The following SCFD2 variants were observed in gnomAD, a reference collection of about 807,000 sequenced individuals.
SCFD2 encodes the protein sec1 family domain-containing protein 2.
In SCFD2, 54 loss-of-function variants were observed where a neutral mutation model predicts 58.9. The observed-to-expected ratio is 0.92, with a 90% CI of 0.74 to 1.15. The LOEUF (loss-of-function observed/expected upper bound fraction) is 1.15, where lower values mean the gene tolerates loss of function less well. Ranked by LOEUF, SCFD2 falls within the 50% of genes most tolerant of loss-of-function variation. The probability of loss-of-function intolerance (pLI) is 0.00; values close to 1 mark genes in which losing one functional copy is unlikely to be tolerated. For missense variants in SCFD2, 805 were observed against 836.6 expected, an observed-to-expected ratio of 0.96 and a Z score of 0.47; for synonymous variants, 321 against 335.9, an observed-to-expected ratio of 0.96 and a Z score of 0.49.
chr4:53,271,170 G>A (rs1329158682), intron 4 of SCFD2, among the ~76,000 whole-genome samples: 3 of 152,014 alleles, frequency 2.0e-5, no homozygotes, highest in African/African-American at 7.2e-5. Flanking sequence ...ATCCTGAAGA[G>A]GACACAGCCT....
chr4:52,884,380 C>T (rs1341887206), intron 8 of SCFD2, among the ~76,000 whole-genome samples: 3 of 152,034 alleles, frequency 2.0e-5, no homozygotes, highest in Non-Finnish European at 4.4e-5. Context: ...GGGAAGATAA[C>T]ACCCCCAGAG....
intron 5 of SCFD2, among the ~76,000 whole-genome samples, chr4:52,931,329 TG>T (rs554611974): frequency 8.8e-4 from 134 of 152,302 alleles, no homozygotes; most frequent in African/African-American, 3.0e-3. Flanking sequence ...CAAAAGCTGT[TG>T]GGTGGTAGAG....
intron 4 of SCFD2, among the ~76,000 whole-genome samples, chr4:53,229,066 A>T (rs531977199): frequency 2.6e-5 from 4 of 152,192 alleles, no homozygotes; most frequent in Admixed American, 2.6e-4. Flanking sequence ...CTTACAAGGG[A>T]TGTGAAGGAC....
chr4:53,335,201 AAAAAAAAAAAAAC>A (rs1446568323), intron 2 of SCFD2, among the ~76,000 whole-genome samples: 5 of 145,382 alleles, frequency 3.4e-5, no homozygotes, highest in Admixed American at 6.8e-5. Flanking sequence ...TCTCAAAAAA[AAAAAAAAAAAAAC>A]AACAAAAAAA....
intron 5 of SCFD2, among the ~76,000 whole-genome samples, chr4:52,936,036 C>T (rs1187636603): frequency 5.3e-5 from 8 of 152,084 alleles, no homozygotes. Context: ...AGGGTTTCTC[C>T]ATGCTGTTCA....
At chr4:52,906,253 T>G (rs1054507592) in intron 7 of SCFD2, among the ~76,000 whole-genome samples, 65 of 152,152 alleles carry the variant, frequency 4.3e-4, no homozygotes, top group African/African-American at 1.5e-3. Flanking sequence ...ATTTGGGCCA[T>G]CCTCAGACCT....
chr4:53,021,462 C>T (rs943120079), intron 5 of SCFD2, among the ~76,000 whole-genome samples: 2 of 152,132 alleles, frequency 1.3e-5, no homozygotes, highest in Non-Finnish European at 2.9e-5. Flanking sequence ...ACTTGCAAAT[C>T]ATTTCCTCAA....
At chr4:52,898,100 C>A (rs1348078709) in intron 7 of SCFD2, among the ~76,000 whole-genome samples, 1 of 152,150 alleles carries the variant, frequency 6.6e-6, no homozygotes, top group Admixed American at 6.5e-5. Flanking sequence ...TTTCAAAAAA[C>A]CAGCTCCTGG....
chr4:53,219,116 T>C (rs1026499653), intron 4 of SCFD2, among the ~76,000 whole-genome samples: 10 of 152,174 alleles, frequency 6.6e-5, no homozygotes, highest in Non-Finnish European at 2.9e-5. Context: ...GTCTGTCTGT[T>C]CTCAGATCTC....
chr4:53,112,586 G>C, intron 5 of SCFD2, among the ~76,000 whole-genome samples: 2 of 152,026 alleles, frequency 1.3e-5, no homozygotes, highest in East Asian at 3.9e-4. Flanking sequence ...CAAAACATTT[G>C]AGTGAAGTAG....
chr4:53,028,708 G>A (rs1421590171), intron 5 of SCFD2, among the ~76,000 whole-genome samples: 1 of 152,270 alleles, frequency 6.6e-6, no homozygotes, highest in East Asian at 1.9e-4. Flanking sequence ...CTCTTCCCCG[G>A]GGTTTTAAGT....
intron 5 of SCFD2, among the ~76,000 whole-genome samples, chr4:52,979,557 A>G (rs1721329716): frequency 6.6e-6 from 1 of 152,148 alleles, no homozygotes; most frequent in Non-Finnish European, 1.5e-5. Flanking sequence ...AGACTGCAAT[A>G]ACACAAAATC....
intron 4 of SCFD2, among the ~76,000 whole-genome samples, chr4:53,220,032 A>G (rs1445260474): frequency 6.6e-6 from 1 of 151,774 alleles, no homozygotes. Flanking sequence ...TCTACCTAAA[A>G]CTATCTCTCC....
intron 5 of SCFD2, among the ~76,000 whole-genome samples, chr4:52,966,250 T>C (rs1185526630): frequency 2.0e-5 from 3 of 152,222 alleles, no homozygotes; most frequent in African/African-American, 7.2e-5. Context: ...ATCTTCCATA[T>C]CTGGAATTTG....
chr4:53,195,979 T>C (rs1464221334), intron 4 of SCFD2, among the ~76,000 whole-genome samples: 3 of 152,164 alleles, frequency 2.0e-5, no homozygotes, highest in East Asian at 1.9e-4. Context: ...TTGGACCAAA[T>C]ATTTCAAGCC....
Position 53,219,342 on chromosome 4 carries a change from G to A in SCFD2, c.1311+54484C>T, listed in dbSNP as rs535116671. On this transcript the variant is annotated intron_variant, in intron 4 of 8. Coordinates refer to ENST00000401642, the MANE Select transcript of SCFD2 (RefSeq NM_152540.4). Reference sequence around the variant, plus strand: ...TACTCAAGCGTCAGCAATGGCGGGCGCCCCTCCCCCAGCCTCGCTGCCGCC... The same window carrying A: ...TACTCAAGCGTCAGCAATGGCGGGCACCCCTCCCCCAGCCTCGCTGCCGCC... Among the ~76,000 whole-genome samples the A allele has an allele frequency of 2.9e-4, 44 of 152,294 alleles. No individual in the cohort carries two copies. In the South Asian group the frequency reaches 8.3e-3, roughly 29 times the overall value.
chr4:53,248,478 A>T (rs1455371146), intron 4 of SCFD2, among the ~76,000 whole-genome samples: 2 of 152,224 alleles, frequency 1.3e-5, no homozygotes, highest in African/African-American at 4.8e-5. Flanking sequence ...CAGGGCACAG[A>T]CAAACAAAAA....
rs374116120 is a variant in SCFD2 at position 52,945,248 on chromosome 4, T to C, written c.1562-24378A>G. Among the ~76,000 whole-genome samples, 734 of 152,310 alleles carry C rather than the reference T, an allele frequency of 4.8e-3. 7 individuals are homozygous for C. The highest frequency in any genetic ancestry group is 0.018 in the South Asian group (89 of 4,828). On this transcript the variant is annotated intron_variant, in intron 5 of 8. Coordinates refer to ENST00000401642, the MANE Select transcript of SCFD2 (RefSeq NM_152540.4). ...CAAGAGGGACTTGTGCTTTTATCTC[T>C]ATTGTTTAAATTTCATTCGAGATCA...
At chr4:53,239,690 G>A (rs1048191621) in intron 4 of SCFD2, among the ~76,000 whole-genome samples, 15 of 152,006 alleles carry the variant, frequency 9.9e-5, no homozygotes, top group Non-Finnish European at 1.8e-4. Flanking sequence ...TTCCATGTTC[G>A]TCAGGCTGGT....
Sources: gnomAD v4.1 joint callset for allele counts (sites outside exome capture counted in the v4.1 genomes callset) on GRCh38, gnomAD v4.1.1 for gene constraint, MANE v1.5 for transcripts, NCBI Gene and HGNC (gene_info 2026-07-23, HGNC 2026-07-21) for gene names.